SEC13: variants seen among roughly 807,000 people sequenced by gnomAD.
SEC13 encodes SEC13 homolog, nuclear pore and COPII component, also known as protein SEC13 homolog.
A neutral mutation model predicts 49.2 loss-of-function variants in SEC13; 25 were observed. The observed-to-expected ratio is 0.51, with a 90% CI of 0.37 to 0.71. The LOEUF (loss-of-function observed/expected upper bound fraction) is 0.71, where lower values mean the gene tolerates loss of function less well. Ranked by LOEUF, SEC13 falls within the 30% of genes least tolerant of loss-of-function variation. The probability of loss-of-function intolerance (pLI) is 0.00; values close to 1 mark genes in which losing one functional copy is unlikely to be tolerated. For synonymous variants in SEC13, 148 were observed against 163.9 expected (o/e 0.90, Z 0.74); for missense variants, 383 against 417.6 (o/e 0.92, Z 0.72).
chr3:10,313,476 TTTGGAACAATGC>T, intron 3 of SEC13: 1 of 527,960 alleles, frequency 1.9e-6, no homozygotes, highest in Non-Finnish European at 3.9e-6. Flanking sequence ...TTTCATAAAG[TTTGGAACAATGC>T]TTGGTAGAAG....
chr3:10,312,169 T>A (rs1244907289), intron 4 of SEC13, 71 bp from the exon 5 acceptor site: 1 of 1,502,064 alleles, frequency 6.7e-7, no homozygotes, highest in Non-Finnish European at 8.9e-7. Flanking sequence ...TTCCACAGAT[T>A]TACTGTTTTA....
At chr3:10,306,521 T>C (rs1213917583) in intron 5 of SEC13, among the ~76,000 whole-genome samples, 1 of 152,240 alleles carries the variant, frequency 6.6e-6, no homozygotes, top group East Asian at 1.9e-4. Context: ...CCATCCTTTC[T>C]TTGTCATTTA....
chr3:10,320,943 G>A, intron 1 of SEC13, 107 bp downstream of exon 1: 1 of 1,559,258 alleles, frequency 6.4e-7, no homozygotes, highest in Non-Finnish European at 8.7e-7. Context: ...GTGGAGGGGA[G>A]CTGAACGGCT....
intron 5 of SEC13, among the ~76,000 whole-genome samples, chr3:10,308,622 A>G (rs536932232): frequency 1.5e-4 from 23 of 152,146 alleles, no homozygotes; most frequent in African/African-American, 4.1e-4. Flanking sequence ...TAAACATGTT[A>G]TTCTTTTTTC....
At chr3:10,303,261 T>G (rs1445640110) in intron 8 of SEC13, among the ~76,000 whole-genome samples, 1 of 152,244 alleles carries the variant, frequency 6.6e-6, no homozygotes, top group Non-Finnish European at 1.5e-5. Context: ...CAACTCGCAC[T>G]TCAGGCGCAG....
chr3:10,305,043 C>T lies in SEC13; in HGVS notation c.698G>A (p.Ser233Asn). 6.2e-7 allele frequency: 1 copy of T among 1,614,154 alleles called. No individual in the cohort carries two copies. Among genetic ancestry groups the T allele is most frequent in the South Asian group, 1.1e-5 (1 of 91,086 alleles). Residue 233 changes from serine (S) to asparagine (N), a missense_variant, in exon 7 of 9, where the codon AGC becomes AAC. Physicochemically the swap from Ser to Asn is conservative, Grantham distance 46. Transcript: ENST00000350697. ...SIGLPTSTIA[S>N]CSQDGRVFIW... ...TGGCCCTGGGCTGACCTGGGAGCAG[C>T]TGGCGATGGTGCTGGTGGGCAGGCC...
At chr3:10,302,492 T>G (rs886940423) in intron 8 of SEC13, among the ~76,000 whole-genome samples, 8 of 152,152 alleles carry the variant, frequency 5.3e-5, no homozygotes, top group Non-Finnish European at 8.8e-5. Flanking sequence ...CCCACAACAC[T>G]GCGTGCACAG....
In SEC13 at chr3:10,301,107, T is replaced by TAAGGCAGATGATC. The variant is rs1189927147; in HGVS notation, c.*141_*153dup. On this transcript the variant is annotated 3_prime_UTR_variant, in exon 9 of 9. Coordinates refer to ENST00000350697, the MANE Select transcript of SEC13 (RefSeq NM_183352.3). ...GATTACAAAGCATCTCCGATCACGT[T>TAAGGCAGATGATC]AAGGCAGATGATCAATCTGTGGCTG... The TAAGGCAGATGATC allele has an allele frequency of 6.2e-7, 1 of 1,613,376 alleles. No homozygotes were observed. The highest frequency in any genetic ancestry group is 8.5e-7 in the Non-Finnish European group (1 of 1,179,896).
chr3:10,320,384 CA>C, intron 1 of SEC13: 2 of 280,620 alleles, frequency 7.1e-6, no homozygotes, highest in Non-Finnish European at 1.1e-5. Flanking sequence ...GTCATTCATT[CA>C]CTCAAGGAGT....
Position 10,312,574 on chromosome 3 carries a change from C to T in SEC13, c.316+5G>A. The T allele has an allele frequency of 6.2e-7, 1 of 1,614,050 alleles. No homozygotes were observed. Among genetic ancestry groups the T allele is most frequent in the Non-Finnish European group, 8.5e-7 (1 of 1,179,942 alleles). ...TTGCCCGCTCTGCTGCCAAGCTCAGCATACCTGAGGAGTCGTGTCCCGCAT... is the reference window on the plus strand; with the variant it reads ...TTGCCCGCTCTGCTGCCAAGCTCAGTATACCTGAGGAGTCGTGTCCCGCAT... On this transcript the variant is annotated splice_donor_5th_base_variant and intron_variant, in intron 4 of 8. Coordinates refer to ENST00000350697, the MANE Select transcript of SEC13 (RefSeq NM_183352.3).
intron 2 of SEC13, among the ~76,000 whole-genome samples, chr3:10,316,062 C>G (rs970802695): frequency 6.6e-6 from 1 of 152,212 alleles, no homozygotes; most frequent in African/African-American, 2.4e-5. Context: ...GACTTTCCAC[C>G]CAAGGAACAC....
At chr3:10,302,137 C>G (rs943726866) in intron 8 of SEC13, among the ~76,000 whole-genome samples, 1 of 152,116 alleles carries the variant, frequency 6.6e-6, no homozygotes, top group Non-Finnish European at 1.5e-5. Context: ...ACTGGGGAGG[C>G]TGAGGCAGGA....
intron 5 of SEC13, chr3:10,306,053 CATT>C (rs1422775987): frequency 5.5e-6 from 1 of 183,008 alleles, no homozygotes; most frequent in Non-Finnish European, 1.2e-5. Flanking sequence ...AAAGCCCTGT[CATT>C]ATGCCCTTCC....
At chr3:10,304,763 C>G (rs1479827473) in intron 7 of SEC13, among the ~76,000 whole-genome samples, 1 of 152,200 alleles carries the variant, frequency 6.6e-6, no homozygotes, top group East Asian at 1.9e-4. Flanking sequence ...GCGCCCTAGT[C>G]TCACATGGGT....
chr3:10,319,760 ATGAGAGAGAG>A (rs2059731849), intron 1 of SEC13, among the ~76,000 whole-genome samples: 1 of 88,474 alleles, frequency 1.1e-5, no homozygotes, highest in African/African-American at 5.1e-5. Context: ...ACACTTCTGA[ATGAGAGAGAG>A]AGAGAGAGAG....
At chr3:10,320,540 C>T in intron 1 of SEC13, 27 of 986,044 alleles carry the variant, frequency 2.7e-5, no homozygotes, top group Non-Finnish European at 3.1e-5. Context: ...ACAGTTCAAT[C>T]ATCTCTGCTG....
chr3:10,308,753 A>G (rs936474523), intron 5 of SEC13, among the ~76,000 whole-genome samples: 1 of 150,086 alleles, frequency 6.7e-6, no homozygotes, highest in Admixed American at 6.6e-5. Context: ...TAATAATTTT[A>G]CTAGAATTAT....
intron 5 of SEC13, among the ~76,000 whole-genome samples, chr3:10,307,953 G>A (rs1305914235): frequency 6.6e-6 from 1 of 152,164 alleles, no homozygotes; most frequent in East Asian, 1.9e-4. Context: ...AGTCATTTTA[G>A]TTGTGTGACT....
intron 8 of SEC13, among the ~76,000 whole-genome samples, chr3:10,301,756 A>ATTAGGAAGCTCTGG (rs1162737444): frequency 2.6e-5 from 4 of 152,166 alleles, no homozygotes; most frequent in Non-Finnish European, 5.9e-5. Flanking sequence ...GGAACAACTG[A>ATTAGGAAGCTCTGG]TTAGGAAGCT....
Sources: gnomAD v4.1 joint callset for allele counts (sites outside exome capture counted in the v4.1 genomes callset) on GRCh38, gnomAD v4.1.1 for gene constraint, MANE v1.5 for transcripts, NCBI Gene and HGNC (gene_info 2026-07-23, HGNC 2026-07-21) for gene names.